The following OSBPL9 variants were observed in gnomAD, a reference collection of about 807,000 sequenced individuals.
OSBPL9 encodes the protein oxysterol binding protein like 9, also known as oxysterol-binding protein-related protein 9.
In OSBPL9, 40 loss-of-function variants were observed where a neutral mutation model predicts 106.6. The ratio of observed to expected loss-of-function variants is 0.38; its 90% CI spans 0.29 to 0.49. The LOEUF (loss-of-function observed/expected upper bound fraction) is 0.49. Among genes scored for constraint, OSBPL9 ranks in the 20% least tolerant of loss-of-function variants. The pLI is 0.97. For synonymous variants in OSBPL9, 269 were observed against 295.4 expected, an observed-to-expected ratio of 0.91 and a Z score of 0.92; for missense variants, 609 against 887.2, an observed-to-expected ratio of 0.69 and a Z score of 3.98.
intron 3 of OSBPL9, among the ~76,000 whole-genome samples, chr1:51,711,217 C>T (rs2148883133): frequency 6.6e-6 from 1 of 151,444 alleles, no homozygotes; most frequent in Admixed American, 6.6e-5. Context: ...CAATGAGCTG[C>T]TGGGCACACC....
chr1:51,782,712 C>T (rs781536142), intron 17 of OSBPL9, 69 bp downstream of exon 17: 82 of 1,390,424 alleles, frequency 5.9e-5, no homozygotes, highest in African/African-American at 1.3e-4. Context: ...TCATTAAAAG[C>T]GCCATAGCTG....
intron 3 of OSBPL9, among the ~76,000 whole-genome samples, chr1:51,680,524 G>A (rs568745371): frequency 6.6e-6 from 1 of 151,922 alleles, no homozygotes; most frequent in Non-Finnish European, 1.5e-5. Flanking sequence ...TAGCTGACGT[G>A]GTGGTACGTG....
Position 51,782,560 on chromosome 1 carries a change from A to T in OSBPL9, c.1430A>T (p.Glu477Val). 1 of 1,613,198 alleles carries T rather than the reference A, an allele frequency of 6.2e-7. No individual in the cohort carries two copies. The highest frequency in any genetic ancestry group is 8.5e-7 in the Non-Finnish European group (1 of 1,179,526). ...AAATTATGTTATATTTGCTTGCAGG[A>T]ACTAGTTTCAGAAGGACCAGTTCCC... ...TLPNDTEENT[E>V]LVSEGPVPWV... The change falls in exon 17 of 24, where the codon GAA (glutamate) becomes GTA (valine). Residue 477 changes from glutamate (E) to valine (V), a missense_variant and splice_region_variant. Physicochemically the swap from Glu to Val is moderately radical, Grantham distance 121 (BLOSUM62 -2). Transcript: ENST00000428468.
At chr1:51,765,717 T>C in intron 11 of OSBPL9, 105 bp from the exon 12 acceptor site, 4 of 1,125,576 alleles carry the variant, frequency 3.6e-6, no homozygotes, top group Non-Finnish European at 3.7e-6. Flanking sequence ...TTTTACAAAC[T>C]TAACCAAACT....
chr1:51,760,505 T>C, intron 9 of OSBPL9, 185 bp from the exon 10 acceptor site: 5 of 723,668 alleles, frequency 6.9e-6, no homozygotes, highest in Middle Eastern at 4.3e-4. Flanking sequence ...TGTCTTTCCT[T>C]ACTATGCTTT....
At chr1:51,735,592 CA>C (rs2148961134) in intron 4 of OSBPL9, among the ~76,000 whole-genome samples, 1 of 152,320 alleles carries the variant, frequency 6.6e-6, no homozygotes, top group East Asian at 1.9e-4. Flanking sequence ...TATTTGTAGA[CA>C]GATATATATT....
intron 2 of OSBPL9, among the ~76,000 whole-genome samples, chr1:51,656,675 A>G (rs554798240): frequency 2.5e-5 from 3 of 119,636 alleles, no homozygotes; most frequent in East Asian, 2.8e-4. Context: ...TCTCCCCCCA[A>G]CTTTTGACAG....
At chr1:51,675,405 A>AGT (rs61005283) in intron 3 of OSBPL9, among the ~76,000 whole-genome samples, 19,166 of 149,386 alleles carry the variant, frequency 0.13, 1,307 homozygotes, top group Middle Eastern at 0.23. Context: ...AATGGGGTTG[A>AGT]GTGTGTGTGT....
At chr1:51,651,946 A>C (rs757040909) in intron 1 of OSBPL9, 45 bp from the exon 2 acceptor site, 3 of 1,458,802 alleles carry the variant, frequency 2.1e-6, no homozygotes, top group Non-Finnish European at 2.9e-6. Flanking sequence ...ACAATTTACC[A>C]GTCTGTTAAT....
intron 4 of OSBPL9, among the ~76,000 whole-genome samples, chr1:51,727,299 GT>G (rs925842081): frequency 5.2e-4 from 79 of 151,984 alleles, no homozygotes; most frequent in Non-Finnish European, 2.9e-5. Flanking sequence ...CAAAATTGAT[GT>G]TTTTTTTCCC....
intron 6 of OSBPL9, 140 bp from the exon 7 acceptor site, chr1:51,748,229 A>AGT: frequency 1.1e-6 from 1 of 915,456 alleles, no homozygotes; most frequent in Non-Finnish European, 1.5e-6. Flanking sequence ...TACAACAAAA[A>AGT]GTACTCCCTT....
chr1:51,564,048 A>G, the OSBPL9 span, among the ~76,000 whole-genome samples: 2 of 140,476 alleles, frequency 1.4e-5, no homozygotes, highest in African/African-American at 2.8e-5. Flanking sequence ...GAGCGAGATC[A>G]TCTCAAAAAA....
chr1:51,689,258 C>A (rs754851478), intron 3 of OSBPL9, among the ~76,000 whole-genome samples: 6 of 152,116 alleles, frequency 3.9e-5, no homozygotes, highest in Non-Finnish European at 8.8e-5. Context: ...GCTTTGCTTG[C>A]CTTGGAAGCC....
intron 4 of OSBPL9, 110 bp from the exon 5 acceptor site, chr1:51,745,426 A>G: frequency 6.9e-7 from 1 of 1,456,916 alleles, no homozygotes; most frequent in Non-Finnish European, 9.2e-7. Flanking sequence ...TCAAAATAGA[A>G]CTGTATTTTA....
chr1:51,553,196 C>A, the OSBPL9 span, among the ~76,000 whole-genome samples: 1 of 152,092 alleles, frequency 6.6e-6, no homozygotes, highest in African/African-American at 2.4e-5. Context: ...GGTAAACAAA[C>A]AGCACTCATT....
the OSBPL9 span, among the ~76,000 whole-genome samples, chr1:51,527,036 G>A: frequency 4.6e-5 from 7 of 152,066 alleles, 1 homozygote; most frequent in South Asian, 4.1e-4. Context: ...GAGCCATCGC[G>A]CCTGGCCTAT....
At chr1:51,642,589 A>G (rs1645873174) in intron 1 of OSBPL9, among the ~76,000 whole-genome samples, 1 of 152,188 alleles carries the variant, frequency 6.6e-6, no homozygotes, top group Non-Finnish European at 1.5e-5. Flanking sequence ...CTCTCCTATG[A>G]AGGGGAAATA....
At chr1:51,676,916 A>G (rs558135469) in intron 3 of OSBPL9, among the ~76,000 whole-genome samples, 2 of 152,314 alleles carry the variant, frequency 1.3e-5, no homozygotes, top group Non-Finnish European at 2.9e-5. Context: ...TACTATTGCT[A>G]CTACCAAATA....
intron 1 of OSBPL9, among the ~76,000 whole-genome samples, chr1:51,624,945 A>C (rs1382689261): frequency 1.3e-5 from 2 of 152,368 alleles, no homozygotes; most frequent in East Asian, 3.9e-4. Flanking sequence ...TTGTGAATAG[A>C]ATATGAATGG....
Sources: gnomAD v4.1 joint callset for allele counts (sites outside exome capture counted in the v4.1 genomes callset) on GRCh38, gnomAD v4.1.1 for gene constraint, MANE v1.5 for transcripts, NCBI Gene and HGNC (gene_info 2026-07-23, HGNC 2026-07-21) for gene names.